Variants in POLR1C observed in about 807,000 individuals in gnomAD.
POLR1C encodes DNA-directed RNA polymerases I and III subunit RPAC1.
A neutral mutation model predicts 38.3 loss-of-function variants in POLR1C; 42 were observed. The ratio of observed to expected loss-of-function variants is 1.10; its 90% CI spans 0.86 to 1.42. The LOEUF is 1.42. Among genes scored for constraint, POLR1C ranks in the 40% most tolerant of loss-of-function variants. The probability of loss-of-function intolerance (pLI) is 0.00; values close to 1 mark genes in which losing one functional copy is unlikely to be tolerated. For synonymous variants in POLR1C, 163 were observed against 163.9 expected (o/e 0.99, Z 0.04); for missense variants, 507 against 450.5 (o/e 1.13, Z -1.14).
chr6:43,545,622 G>A (rs539261158), intron 9 of POLR1C, among the ~76,000 whole-genome samples: 170 of 152,104 alleles, frequency 1.1e-3, no homozygotes, highest in Non-Finnish European at 1.7e-3. Context: ...CAGAAGAATC[G>A]CTTAAGCCTG....
chr6:43,543,385 C>T (rs1338956926), intron 9 of POLR1C, among the ~76,000 whole-genome samples: 3 of 152,156 alleles, frequency 2.0e-5, no homozygotes, highest in Admixed American at 6.5e-5. Context: ...CCCATGAGGT[C>T]GAGGCTGCAG....
chr6:43,533,719 C>A, downstream of POLR1C: 1 of 360,048 alleles, frequency 2.8e-6, no homozygotes. Flanking sequence ...GCCTGTGGTC[C>A]AACTACTCGG....
downstream of POLR1C, chr6:43,525,182 G>A (rs1336881076): frequency 2.5e-6 from 4 of 1,583,100 alleles, no homozygotes; most frequent in South Asian, 4.6e-5. Flanking sequence ...CCAGGGAATT[G>A]AAGGCTGTAA....
chr6:43,559,856 C>A (rs1762314182), intron 10 of POLR1C, among the ~76,000 whole-genome samples: 2 of 152,152 alleles, frequency 1.3e-5, no homozygotes, highest in Non-Finnish European at 2.9e-5. Flanking sequence ...ACTCTCATTG[C>A]CTAGGCTGGA....
At chr6:43,517,584 GT>G (rs1203890197) in intron 2 of POLR1C, among the ~76,000 whole-genome samples, 1 of 152,152 alleles carries the variant, frequency 6.6e-6, no homozygotes, top group African/African-American at 2.4e-5. Context: ...GAGGAATGGT[GT>G]GTATAAACAG....
chr6:43,529,018 A>G, intron 8 of POLR1C: 1 of 1,248,324 alleles, frequency 8.0e-7, no homozygotes, highest in Non-Finnish European at 1.1e-6. Flanking sequence ...TCAATCCCTA[A>G]AGGATTTGCC....
intron 10 of POLR1C, chr6:43,561,382 C>CT (rs889339855): frequency 2.3e-3 from 380 of 162,820 alleles, no homozygotes; most frequent in South Asian, 7.8e-3. Context: ...AGTTTCTTTT[C>CT]TTTTTTTTTT....
chr6:43,531,411 AC>A, downstream of POLR1C: 1 of 1,448,112 alleles, frequency 6.9e-7, no homozygotes. Context: ...GAAAAGTCCA[AC>A]CCATGGACAT....
At chr6:43,553,653 C>T (rs1795368204) in intron 10 of POLR1C, 2 of 1,393,178 alleles carry the variant, frequency 1.4e-6, no homozygotes, top group South Asian at 1.7e-5. Flanking sequence ...TAACCCCTCT[C>T]AGCTGGGGCA....
At chr6:43,537,898 A>C (rs1096643) in intron 9 of POLR1C, among the ~76,000 whole-genome samples, 4 of 151,714 alleles carry the variant, frequency 2.6e-5, no homozygotes, top group African/African-American at 9.7e-5. Context: ...AAAACCCTGT[A>C]TCTACTAAAA....
rs779637378 is a variant in POLR1C, at chr6:43,528,879, A to G, written c.923-370A>G. On this transcript the variant is annotated intron_variant, in intron 8 of 8. Transcript: ENST00000304004. ...CGAGGATGGGGGATACCAGGGCTTC[A>G]TAGTGCTCTGGGGGACAGAAGAGCA... is the stretch of plus-strand genomic sequence containing the variant. 6.1e-5 allele frequency: 98 copies of G among 1,613,842 alleles called. No individual in the cohort carries two copies. The highest frequency in any genetic ancestry group is 8.3e-5 in the Non-Finnish European group (98 of 1,179,888).
At chr6:43,536,790 A>G (rs1007531409) in intron 9 of POLR1C, among the ~76,000 whole-genome samples, 11 of 133,840 alleles carry the variant, frequency 8.2e-5, no homozygotes, top group South Asian at 2.5e-4. Flanking sequence ...AAAAAAAAAA[A>G]GCAGCTTTAC....
chr6:43,525,889 A>C, downstream of POLR1C: 1 of 1,614,016 alleles, frequency 6.2e-7, no homozygotes, highest in Non-Finnish European at 8.5e-7. Flanking sequence ...GCCATAGCTG[A>C]GGGGGTGACC....
intron 9 of POLR1C, among the ~76,000 whole-genome samples, chr6:43,541,496 G>A (rs1388095282): frequency 1.3e-5 from 2 of 152,126 alleles, no homozygotes; most frequent in African/African-American, 4.8e-5. Flanking sequence ...CTTTCAAAGG[G>A]TTGCATAAGT....
At chr6:43,559,416 A>T (rs771369552) in intron 10 of POLR1C, among the ~76,000 whole-genome samples, 1 of 152,216 alleles carries the variant, frequency 6.6e-6, no homozygotes, top group Non-Finnish European at 1.5e-5. Flanking sequence ...CAATCTGTCA[A>T]CTGCAAGAGC....
At chr6:43,554,556 C>T (rs1016623537) in intron 10 of POLR1C, among the ~76,000 whole-genome samples, 4 of 151,792 alleles carry the variant, frequency 2.6e-5, no homozygotes, top group Admixed American at 6.6e-5. Context: ...TCCTGAGTAG[C>T]TAGGATTAAA....
chr6:43,552,022 A>G (rs1161475767), intron 10 of POLR1C, among the ~76,000 whole-genome samples: 1 of 152,064 alleles, frequency 6.6e-6, no homozygotes, highest in Non-Finnish European at 1.5e-5. Context: ...AAACCTCTTA[A>G]ATTTTGTATT....
At chr6:43,556,083 C>G in intron 10 of POLR1C, 1 of 1,364,890 alleles carries the variant, frequency 7.3e-7, no homozygotes. Context: ...GTTTTGCAGA[C>G]TTGTGCTTTG....
chr6:43,547,279 CTT>C (rs574616909), intron 9 of POLR1C: 143 of 411,350 alleles, frequency 3.5e-4, no homozygotes, highest in African/African-American at 2.7e-3. Flanking sequence ...TCACTTAAGA[CTT>C]TACATGCCAG....
Sources: gnomAD v4.1 joint callset for allele counts (sites outside exome capture counted in the v4.1 genomes callset) on GRCh38, gnomAD v4.1.1 for gene constraint, MANE v1.5 for transcripts, NCBI Gene and HGNC (gene_info 2026-07-23, HGNC 2026-07-21) for gene names.